SMAD9: variants seen among roughly 807,000 people sequenced by gnomAD.
SMAD9 encodes the protein MAD homolog 9.
In SMAD9, 36 loss-of-function variants were observed where a neutral mutation model predicts 46.1. That is an observed-to-expected ratio of 0.78 (90% CI 0.60 to 1.03). The LOEUF (loss-of-function observed/expected upper bound fraction) is 1.03. Ranked by LOEUF, SMAD9 falls within the 50% of genes least tolerant of loss-of-function variation. The pLI, the probability that SMAD9 is intolerant of heterozygous loss-of-function variation, is 0.00. For missense variants in SMAD9, 572 were observed against 599.8 expected, an observed-to-expected ratio of 0.95 and a Z score of 0.48; for synonymous variants, 245 against 237.1, an observed-to-expected ratio of 1.03 and a Z score of -0.31.
intron 1 of SMAD9, among the ~76,000 whole-genome samples, chr13:36,896,445 A>C (rs917864501): frequency 8.6e-5 from 13 of 151,856 alleles, no homozygotes; most frequent in Non-Finnish European, 1.5e-4. Flanking sequence ...TTTTTTATTT[A>C]CTAAACATCC....
chr13:36,858,882 T>C (rs910938796), intron 5 of SMAD9, among the ~76,000 whole-genome samples: 16 of 152,150 alleles, frequency 1.1e-4, no homozygotes, highest in Non-Finnish European at 2.2e-4. Context: ...GCTAACTTTT[T>C]GGTATTTTTT....
chr13:36,913,536 T>C (rs2058676989), intron 1 of SMAD9, among the ~76,000 whole-genome samples: 1 of 152,166 alleles, frequency 6.6e-6, no homozygotes, highest in African/African-American at 2.4e-5. Context: ...AAAAATAAAG[T>C]GTATTTAGAA....
chr13:36,907,341 T>C (rs768735258), intron 1 of SMAD9, among the ~76,000 whole-genome samples: 1 of 152,158 alleles, frequency 6.6e-6, no homozygotes, highest in Admixed American at 6.5e-5. Flanking sequence ...AAAACCGGAA[T>C]GTGCTTAATG....
chr13:36,872,947 T>G, intron 2 of SMAD9, 32 bp from the exon 3 acceptor site: 2 of 1,613,180 alleles, frequency 1.2e-6, no homozygotes, highest in Non-Finnish European at 1.7e-6. Flanking sequence ...GCAGTTAGAA[T>G]TGAACATTGC....
chr13:36,861,341 G>A (rs2058179789), intron 5 of SMAD9, among the ~76,000 whole-genome samples: 2 of 151,788 alleles, frequency 1.3e-5, no homozygotes, highest in Non-Finnish European at 2.9e-5. Flanking sequence ...TTGAGATGGA[G>A]CCTTGCACTA....
chr13:36,887,767 G>C (rs939044100), intron 1 of SMAD9, among the ~76,000 whole-genome samples: 1 of 152,148 alleles, frequency 6.6e-6, no homozygotes, highest in Admixed American at 6.5e-5. Flanking sequence ...AAAGATAGAA[G>C]TGGGACAACA....
At chr13:36,878,238 G>A (rs2058365976) in intron 2 of SMAD9, among the ~76,000 whole-genome samples, 1 of 152,132 alleles carries the variant, frequency 6.6e-6, no homozygotes, top group Non-Finnish European at 1.5e-5. Context: ...ATACAATCAT[G>A]CACTGTGTAA....
chr13:36,900,236 G>A (rs1232826165), intron 1 of SMAD9, among the ~76,000 whole-genome samples: 3 of 152,032 alleles, frequency 2.0e-5, no homozygotes, highest in African/African-American at 4.8e-5. Flanking sequence ...TCTGCTTTGG[G>A]ACTTTACTCA....
chr13:36,873,539 C>T (rs891998671), intron 2 of SMAD9, among the ~76,000 whole-genome samples: 1 of 152,060 alleles, frequency 6.6e-6, no homozygotes, highest in Non-Finnish European at 1.5e-5. Context: ...AAAACACAAA[C>T]GGTGAATAAT....
chr13:36,889,644 C>A (rs2058474413), intron 1 of SMAD9, among the ~76,000 whole-genome samples: 2 of 152,096 alleles, frequency 1.3e-5, no homozygotes, highest in Non-Finnish European at 2.9e-5. Context: ...ACAATGAAAT[C>A]AATTCTTCCT....
intron 1 of SMAD9, among the ~76,000 whole-genome samples, chr13:36,883,557 C>A (rs533464395): frequency 2.4e-4 from 36 of 152,286 alleles, no homozygotes; most frequent in African/African-American, 8.2e-4. Context: ...TTGAGACCAG[C>A]CTGGACAACA....
intron 6 of SMAD9, chr13:36,852,115 A>C (rs987009122): frequency 1.0e-6 from 1 of 974,582 alleles, no homozygotes; most frequent in Non-Finnish European, 1.2e-6. Flanking sequence ...CTGCTTTGTC[A>C]CCATGAAAGA....
intron 5 of SMAD9, among the ~76,000 whole-genome samples, chr13:36,864,649 A>T (rs1434154162): frequency 6.6e-6 from 1 of 152,240 alleles, no homozygotes; most frequent in Non-Finnish European, 1.5e-5. Flanking sequence ...ACATCAATGA[A>T]TGATTTCAAC....
Position 36,846,119 on chromosome 13 carries a change from C to G in SMAD9, c.*2557G>C, listed in dbSNP as rs2058036870. On this transcript the variant is annotated 3_prime_UTR_variant, in exon 7 of 7. Transcript: ENST00000379826. Reference sequence around the variant, plus strand: ...GGACTATAGGAATGAGCCACTGCATCCAGATTTTTTTTTTGTTTTTAATGT... The same window carrying G: ...GGACTATAGGAATGAGCCACTGCATGCAGATTTTTTTTTTGTTTTTAATGT... 6.6e-6 allele frequency: 1 copy of G among 151,914 alleles called. No homozygotes were observed. The highest frequency in any genetic ancestry group is 2.4e-5 in the African/African-American group (1 of 41,366). 9.4% of individuals were successfully genotyped at this position (151,914 alleles called of 1,614,324 possible). A position where few individuals can be genotyped will look rare whatever the true frequency, so the allele number is the denominator to read the frequency against.
chr13:36,851,745 T>C (rs2058076530), intron 6 of SMAD9: 2 of 970,596 alleles, frequency 2.1e-6, no homozygotes, highest in South Asian at 4.8e-5. Flanking sequence ...AAATGATCTA[T>C]AGTTATATTT....
chr13:36,852,300 C>T, intron 6 of SMAD9: 1 of 984,236 alleles, frequency 1.0e-6, no homozygotes, highest in Non-Finnish European at 1.2e-6. Context: ...ACAAGCCATG[C>T]TGATTCCCTG....
upstream of SMAD9, chr13:36,920,562 C>T (rs1261125445): frequency 6.6e-6 from 1 of 152,216 alleles, no homozygotes; most frequent in Admixed American, 6.5e-5. Flanking sequence ...CCCGGCCTGC[C>T]GGGGTGGCCC....
chr13:36,861,043 C>T (rs1228325301), intron 5 of SMAD9, among the ~76,000 whole-genome samples: 2 of 152,122 alleles, frequency 1.3e-5, no homozygotes, highest in Non-Finnish European at 2.9e-5. Flanking sequence ...CAGTTAACTG[C>T]TGCATGGCTA....
At chr13:36,851,681 T>A (rs2058076012) in intron 6 of SMAD9, 1 of 923,826 alleles carries the variant, frequency 1.1e-6, no homozygotes, top group Non-Finnish European at 1.3e-6. Flanking sequence ...CTTAAAGAGA[T>A]CTGATCCATC....
Sources: allele counts gnomAD v4.1 joint callset (sites outside exome capture counted in the v4.1 genomes callset), GRCh38; gene constraint gnomAD v4.1.1; transcripts MANE v1.5; gene names NCBI Gene and HGNC (gene_info 2026-07-23, HGNC 2026-07-21).